LRRTM4: variants seen among roughly 807,000 people sequenced by gnomAD.
LRRTM4 encodes leucine rich repeat transmembrane neuronal 4.
LRRTM4 carries 25 observed loss-of-function variants against 47.6 expected under a neutral mutation model. The observed-to-expected ratio is 0.53, with a 90% CI of 0.38 to 0.73. The LOEUF (loss-of-function observed/expected upper bound fraction) is 0.73. LRRTM4 is among the 30% of genes least tolerant of loss of function. The probability of loss-of-function intolerance (pLI) is 0.00; values close to 1 mark genes in which losing one functional copy is unlikely to be tolerated. For synonymous variants in LRRTM4, 311 were observed against 269.5 expected, an observed-to-expected ratio of 1.15 and a Z score of -1.51; for missense variants, 638 against 713.4, an observed-to-expected ratio of 0.89 and a Z score of 1.20.
chr2:77,332,394 G>A (rs1456737930), intron 3 of LRRTM4, among the ~76,000 whole-genome samples: 2 of 152,086 alleles, frequency 1.3e-5, no homozygotes, highest in East Asian at 1.9e-4. Context: ...ATTCATACAC[G>A]TTTTAGAATA....
At chr2:76,845,472 A>C (rs909973503) in intron 3 of LRRTM4, among the ~76,000 whole-genome samples, 9 of 152,120 alleles carry the variant, frequency 5.9e-5, no homozygotes, top group African/African-American at 2.2e-4. Context: ...AACAAGGTGC[A>C]GTAACGTGAG....
chr2:77,457,004 G>GTGTGTATA (rs1192297417), intron 3 of LRRTM4, among the ~76,000 whole-genome samples: 1 of 23,186 alleles, frequency 4.3e-5, no homozygotes, highest in Non-Finnish European at 7.8e-5. Context: ...GTGTGTGTGT[G>GTGTGTATA]TATATATATA....
chr2:77,309,734 T>G (rs56352911), intron 3 of LRRTM4, among the ~76,000 whole-genome samples: 1 of 148,772 alleles, frequency 6.7e-6, no homozygotes, highest in African/African-American at 2.5e-5. Context: ...TAGATAGATA[T>G]AACAAAAGGC....
At chr2:76,844,384 C>G (rs982384362) in intron 3 of LRRTM4, among the ~76,000 whole-genome samples, 6 of 152,142 alleles carry the variant, frequency 3.9e-5, no homozygotes, top group African/African-American at 1.4e-4. Flanking sequence ...ATCCACCCAC[C>G]TCAGCCTCCC....
rs1218992462 is a variant in LRRTM4 at position 77,519,543 on chromosome 2, C to T, written c.326G>A (p.Arg109His). Residue 109 changes from arginine to histidine, a missense_variant, in exon 3 of 4, where the codon CGT becomes CAT. By Grantham distance (29) the Arg-to-His change is conservative (BLOSUM62 0). Transcript: ENST00000409884. The surrounding 1 kb of genome is among the most constrained non-coding windows in gnomAD (Gnocchi z 4.6). The stretch of plus-strand genomic sequence containing the variant: ...GCTTAGAATTAATTCTTTCAGTCTA[C>T]GGATCCCTTGAAATGCATCTTCATC... ...SVDEDAFQGIRRLKELILSSN... is the reference protein window; with the variant it reads ...SVDEDAFQGIHRLKELILSSN... 9 of 1,613,264 alleles carry T rather than the reference C, an allele frequency of 5.6e-6. No homozygotes were observed. The highest frequency in any genetic ancestry group is 2.7e-5 in the African/African-American group (2 of 74,866).
intron 3 of LRRTM4, among the ~76,000 whole-genome samples, chr2:77,500,238 T>C (rs965249405): frequency 2.0e-5 from 3 of 151,774 alleles, no homozygotes; most frequent in Non-Finnish European, 4.4e-5. Flanking sequence ...GAGGAGAAAG[T>C]TGTTGAGCAT....
intron 3 of LRRTM4, among the ~76,000 whole-genome samples, chr2:77,134,379 T>C (rs961961976): frequency 6.6e-6 from 1 of 152,184 alleles, no homozygotes; most frequent in African/African-American, 2.4e-5. Flanking sequence ...GGTTGATGAC[T>C]CTGTCCAACA....
At chr2:77,484,156 G>A (rs1386965110) in intron 3 of LRRTM4, among the ~76,000 whole-genome samples, 1 of 152,212 alleles carries the variant, frequency 6.6e-6, no homozygotes, top group Non-Finnish European at 1.5e-5. Context: ...ACAAATGCTG[G>A]CATTCACAGG....
chr2:77,414,056 G>T (rs1407658726), intron 3 of LRRTM4, among the ~76,000 whole-genome samples: 1 of 152,144 alleles, frequency 6.6e-6, no homozygotes, highest in African/African-American at 2.4e-5. Context: ...AGGCACTTGA[G>T]GTTATACTGT....
At chr2:77,362,608 C>G (rs1203659615) in intron 3 of LRRTM4, among the ~76,000 whole-genome samples, 1 of 152,146 alleles carries the variant, frequency 6.6e-6, no homozygotes, top group African/African-American at 2.4e-5. Flanking sequence ...GAACAGTAAT[C>G]TGGGGACTGG....
At chr2:76,842,429 T>C (rs1327867057) in intron 3 of LRRTM4, among the ~76,000 whole-genome samples, 2 of 152,214 alleles carry the variant, frequency 1.3e-5, no homozygotes, top group African/African-American at 2.4e-5. Context: ...TAAACATACA[T>C]ATGATGCTCT....
At chr2:77,327,148 G>A (rs535082235) in intron 3 of LRRTM4, among the ~76,000 whole-genome samples, 5 of 152,080 alleles carry the variant, frequency 3.3e-5, no homozygotes, top group African/African-American at 7.2e-5. Flanking sequence ...AAAGGATAGC[G>A]GTCAAGCTAA....
rs1004235263 is a variant in LRRTM4 at position 76,943,849 on chromosome 2, C to A, written c.1552-194933G>T. Among the ~76,000 whole-genome samples, 12 of 152,316 alleles carry A rather than the reference C, an allele frequency of 7.9e-5. No homozygotes were observed. The East Asian group carries it at 2.3e-3, about 29-fold the overall frequency. ...GTCTTGCTTATCTTCTTTGTTTGCA[C>A]CCAGTTCCACACCAAAAGTTCCACA... On this transcript the variant is annotated intron_variant, in intron 3 of 3. Transcript: ENST00000409884.
At chr2:77,458,916 T>C (rs77329264) in intron 3 of LRRTM4, among the ~76,000 whole-genome samples, 2,663 of 151,972 alleles carry the variant, frequency 0.018, 112 homozygotes, top group East Asian at 0.14. Flanking sequence ...TGGGTGAAAA[T>C]TGCAGTACCA....
chr2:76,835,654 A>C (rs1224442570), intron 3 of LRRTM4, among the ~76,000 whole-genome samples: 1 of 152,116 alleles, frequency 6.6e-6, no homozygotes, highest in Non-Finnish European at 1.5e-5. Flanking sequence ...CTCAATGAGA[A>C]AAGCAATAGC....
At chr2:77,382,459 C>A (rs1292527823) in intron 3 of LRRTM4, among the ~76,000 whole-genome samples, 1 of 151,982 alleles carries the variant, frequency 6.6e-6, no homozygotes, top group Non-Finnish European at 1.5e-5. Context: ...AGTCAGTGGG[C>A]CTTACAGATA....
intron 3 of LRRTM4, among the ~76,000 whole-genome samples, chr2:77,204,353 CTGA>C (rs1375309048): frequency 4.6e-5 from 7 of 151,814 alleles, no homozygotes; most frequent in East Asian, 3.9e-4. Context: ...TGAATAAATA[CTGA>C]TGATGATGAC....
At chr2:77,250,093 A>T (rs1281729369) in intron 3 of LRRTM4, among the ~76,000 whole-genome samples, 1 of 152,196 alleles carries the variant, frequency 6.6e-6, no homozygotes, top group Non-Finnish European at 1.5e-5. Context: ...GTATGATTCT[A>T]ACTACAAGAT....
intron 3 of LRRTM4, among the ~76,000 whole-genome samples, chr2:77,487,375 G>A (rs917935086): frequency 1.3e-5 from 2 of 152,218 alleles, no homozygotes; most frequent in African/African-American, 4.8e-5. Context: ...TCAGAGTAAA[G>A]TTGTGGCCGA....
Sources: gnomAD v4.1 joint callset for allele counts (sites outside exome capture counted in the v4.1 genomes callset) on GRCh38, gnomAD v4.1.1 for gene constraint, Gnocchi (gnomAD v3.1) non-coding constraint, MANE v1.5 for transcripts, NCBI Gene and HGNC (gene_info 2026-07-23, HGNC 2026-07-21) for gene names.